DPH6: variants seen among roughly 807,000 people sequenced by gnomAD.
DPH6 encodes the protein diphthine--ammonia ligase.
Under a neutral mutation model 38.2 loss-of-function variants are expected in DPH6, and 33 were observed. The ratio of observed to expected loss-of-function variants is 0.86; its 90% CI spans 0.65 to 1.15. DPH6 has a LOEUF of 1.15. Among genes scored for constraint, DPH6 ranks in the 50% most tolerant of loss-of-function variants. The pLI, the probability that DPH6 is intolerant of heterozygous loss-of-function variation, is 0.00. For missense variants in DPH6, 325 were observed against 320.0 expected, an observed-to-expected ratio of 1.02 and a Z score of -0.12; for synonymous variants, 108 against 103.0, an observed-to-expected ratio of 1.05 and a Z score of -0.30.
At chr15:35,179,584 A>G in the DPH6 span, among the ~76,000 whole-genome samples, 3 of 152,220 alleles carry the variant, frequency 2.0e-5, no homozygotes, top group Non-Finnish European at 2.9e-5. Context: ...AAATACATAC[A>G]TAATACATGT....
chr15:35,167,091 T>C, the DPH6 span, among the ~76,000 whole-genome samples: 1 of 151,984 alleles, frequency 6.6e-6, no homozygotes, highest in African/African-American at 2.4e-5. Context: ...TTTACAACAA[T>C]CAACAATAAA....
chr15:35,314,847 G>A (rs2052174695), intron 3 of DPH6, among the ~76,000 whole-genome samples: 1 of 152,090 alleles, frequency 6.6e-6, no homozygotes, highest in African/African-American at 2.4e-5. Context: ...TGTGACATGC[G>A]ATGAAAAGTG....
intron 3 of DPH6, among the ~76,000 whole-genome samples, chr15:35,275,828 G>A (rs2051854579): frequency 6.6e-6 from 1 of 152,108 alleles, no homozygotes; most frequent in South Asian, 2.1e-4. Flanking sequence ...ATATACCACA[G>A]TTTCTTTATC....
At chr15:35,272,992 T>C (rs1406897322) in intron 3 of DPH6, among the ~76,000 whole-genome samples, 1 of 151,866 alleles carries the variant, frequency 6.6e-6, no homozygotes, top group African/African-American at 2.4e-5. Context: ...CAGCCCCCCT[T>C]TGCCTTTTCA....
In DPH6 at chr15:35,351,956, G is replaced by A. The variant is rs2052515569; in HGVS notation, n.208-20879C>T. Among the ~76,000 whole-genome samples, 3 of 152,120 alleles carry A rather than the reference G, an allele frequency of 2.0e-5. No individual in the cohort carries two copies. In the South Asian group the frequency reaches 6.2e-4, roughly 32 times the overall value. On this transcript the variant is annotated intron_variant and non_coding_transcript_variant, in intron 3 of 3. Coordinates refer to the DPH6 transcript ENST00000558973. The stretch of plus-strand genomic sequence containing the variant: ...ACTGGTCTCAAACTCCTGGGCTCAA[G>A]CAGTCCTCCCATCTCGGCCTCCCAA...
At chr15:35,490,938 A>G (rs2054468089) in intron 3 of DPH6, among the ~76,000 whole-genome samples, 1 of 152,112 alleles carries the variant, frequency 6.6e-6, no homozygotes, top group Non-Finnish European at 1.5e-5. Context: ...ATGGCAGAAG[A>G]CACCATGTGG....
chr15:35,411,957 T>A (rs2053372303), intron 5 of DPH6, among the ~76,000 whole-genome samples: 1 of 151,652 alleles, frequency 6.6e-6, no homozygotes, highest in Non-Finnish European at 1.5e-5. Flanking sequence ...TGATGACTTC[T>A]AAGATACCTC....
intron 3 of DPH6, among the ~76,000 whole-genome samples, chr15:35,463,914 T>G (rs1274737326): frequency 1.3e-5 from 2 of 152,054 alleles, no homozygotes; most frequent in African/African-American, 4.8e-5. Flanking sequence ...ACTAGGAAAG[T>G]TAAAACACAT....
At chr15:35,496,045 T>A (rs573567622) in intron 3 of DPH6, among the ~76,000 whole-genome samples, 14 of 152,280 alleles carry the variant, frequency 9.2e-5, no homozygotes, top group Admixed American at 7.8e-4. Context: ...CACAAATCAA[T>A]TTCAAGTATA....
chr15:35,307,003 G>A (rs2052097389), intron 3 of DPH6, among the ~76,000 whole-genome samples: 1 of 152,216 alleles, frequency 6.6e-6, no homozygotes, highest in Non-Finnish European at 1.5e-5. Flanking sequence ...AGATAGGAAA[G>A]TCTGGGCAAC....
rs558356314 is a variant in DPH6 at position 35,432,178 on chromosome 15, G to A, written c.505+18507C>T. On this transcript the variant is annotated intron_variant, in intron 5 of 8. Transcript: ENST00000256538. ...AGAGTCTTCCAGATAAACATAAAGC[G>A]TAGAGGTATATGAAATTAGAGGAAT... 7.9e-5 allele frequency among the ~76,000 whole-genome samples: 12 copies of A among 152,122 alleles called. No homozygotes were observed. The East Asian group carries it at 1.4e-3, about 17-fold the overall frequency.
intron 5 of DPH6, among the ~76,000 whole-genome samples, chr15:35,436,782 T>G (rs529935356): frequency 7.1e-6 from 1 of 141,122 alleles, no homozygotes; most frequent in African/African-American, 2.6e-5. Context: ...CTCCACCAGG[T>G]CAGGAGTTAA....
In DPH6 at chr15:35,538,335, A is replaced by C; in HGVS notation, c.251T>G (p.Val84Gly). Residue 84 changes from valine to glycine, a missense_variant, in exon 3 of 9, where the codon GTG (valine) becomes GGG (glycine). By Grantham distance (109) the Val-to-Gly change is moderately radical. Transcript: ENST00000256538. The part of the protein sequence containing the change: ...IRGRSLDTRQ[V>G]YTKCEGDEVE... ...CTCATCACCTTCACATTTGGTGTAC[A>C]CTTGTCTTGTATCCAAGCTCCTTCC... is the stretch of plus-strand genomic sequence containing the variant. The C allele has an allele frequency of 6.2e-7, 1 of 1,610,472 alleles. No homozygotes were observed.
At chr15:35,348,523 T>C (rs1346496159) in intron 3 of DPH6, among the ~76,000 whole-genome samples, 2 of 152,162 alleles carry the variant, frequency 1.3e-5, no homozygotes, top group African/African-American at 4.8e-5. Context: ...TATGTTAGTA[T>C]CATACCGTTT....
At chr15:35,281,764 G>A (rs989016516) in intron 3 of DPH6, among the ~76,000 whole-genome samples, 1 of 152,160 alleles carries the variant, frequency 6.6e-6, no homozygotes, top group Non-Finnish European at 1.5e-5. Flanking sequence ...GGCCAATACA[G>A]CTTAAGGAAG....
At chr15:35,347,052 C>A (rs1483935337) in intron 3 of DPH6, among the ~76,000 whole-genome samples, 1 of 152,028 alleles carries the variant, frequency 6.6e-6, no homozygotes, top group Non-Finnish European at 1.5e-5. Flanking sequence ...GTGTACAGTA[C>A]AGTATTATTA....
intron 3 of DPH6, among the ~76,000 whole-genome samples, chr15:35,313,274 G>T (rs2052159956): frequency 6.7e-6 from 1 of 150,202 alleles, no homozygotes; most frequent in African/African-American, 2.5e-5. Context: ...GTAGTGTAAT[G>T]TCTCTAGCTT....
In DPH6 at chr15:35,544,626, TATC is replaced by T. The variant is rs1293123264; in HGVS notation, c.23+1490_23+1492del. On this transcript the variant is annotated intron_variant, in intron 1 of 8. Coordinates refer to ENST00000256538, the MANE Select transcript of DPH6 (RefSeq NM_080650.4). ...TATATATAGAATACATAGGCATCTGTATCATAAGCATACAGGTAAATGCTTACG... is the reference window on the plus strand; with the variant it reads ...TATATATAGAATACATAGGCATCTGTATAAGCATACAGGTAAATGCTTACG... 2.0e-5 allele frequency among the ~76,000 whole-genome samples: 3 copies of T among 152,240 alleles called. No homozygotes were observed. The East Asian group carries it at 5.8e-4, about 29-fold the overall frequency.
chr15:35,432,853 A>G (rs377502562), intron 5 of DPH6, among the ~76,000 whole-genome samples: 2 of 152,172 alleles, frequency 1.3e-5, no homozygotes, highest in East Asian at 1.9e-4. Context: ...ACTGAGGCCT[A>G]CTTGAGGGTG....
Sources: gnomAD v4.1 joint callset for allele counts (sites outside exome capture counted in the v4.1 genomes callset) on GRCh38, gnomAD v4.1.1 for gene constraint, MANE v1.5 for transcripts, NCBI Gene and HGNC (gene_info 2026-07-23, HGNC 2026-07-21) for gene names.